L1CAM: variants seen among roughly 807,000 people sequenced by gnomAD.
L1CAM encodes the protein neural cell adhesion molecule L1.
In L1CAM, 8 loss-of-function variants were observed where a neutral mutation model predicts 93.0. That is an observed-to-expected ratio of 0.09 (90% CI 0.05 to 0.16). The LOEUF (loss-of-function observed/expected upper bound fraction) is 0.16. Among genes scored for constraint, L1CAM ranks in the 10% least tolerant of loss-of-function variants. The pLI is 1.00. For missense variants in L1CAM, 777 were observed against 1,073.4 expected, an observed-to-expected ratio of 0.72 and a Z score of 3.86; for synonymous variants, 453 against 453.0, an observed-to-expected ratio of 1.00 and a Z score of 0.00.
rs1261279862 is a variant in L1CAM, at chrX:153,869,672, G to A, written c.1124-9C>T. 1.7e-6 allele frequency: 2 copies of A among 1,205,285 alleles called. No individual in the cohort carries two copies. The highest frequency in any genetic ancestry group is 2.2e-6 in the Non-Finnish European group (2 of 892,691). ...CTGGTCTTTGGCCAGCTCTGTGCAT[G>A]CAGCAGGTGGGCCCATGGGCCACAG... is the stretch of plus-strand genomic sequence containing the variant. On this transcript the variant is annotated splice_polypyrimidine_tract_variant and intron_variant, in intron 10 of 28. Coordinates refer to ENST00000370060, the MANE Select transcript of L1CAM (RefSeq NM_001278116.2).
intron 19 of L1CAM, 43 bp from the exon 20 acceptor site, chrX:153,865,862 C>A: frequency 1.0e-6 from 1 of 965,177 alleles, no homozygotes; most frequent in Non-Finnish European, 1.5e-6. Flanking sequence ...AGGCTCTCAC[C>A]CCAGCCCTGA....
chrX:153,877,405 T>A (rs1258248605), intron 1 of L1CAM, among the ~76,000 whole-genome samples: 1 of 97,268 alleles, frequency 1.0e-5, no homozygotes, highest in Non-Finnish European at 2.0e-5. Flanking sequence ...GAGGTTGCGG[T>A]GAGCGGAGAT....
chrX:153,865,064 TC>T (rs782575213), intron 22 of L1CAM, 23 bp downstream of exon 22: 6 of 1,210,054 alleles, frequency 5.0e-6, no homozygotes, highest in Non-Finnish European at 6.7e-6. Context: ...CCACCTCCCT[TC>T]CCTGCTGGGG....
chrX:153,863,760 C>T (rs1221469310), intron 26 of L1CAM, 123 bp downstream of exon 26: 2 of 1,026,947 alleles, frequency 1.9e-6, no homozygotes, highest in Non-Finnish European at 2.7e-6. Context: ...CCTGCCCCCA[C>T]CATGCGCCTG....
Position 153,864,975 on chromosome X carries a change from C to T in L1CAM, c.2892G>A (p.Gly964=), listed in dbSNP as rs781869593. Residue 964 remains glycine, a synonymous_variant, in exon 23 of 29, where the codon GGG becomes GGA. Coordinates refer to ENST00000370060, the MANE Select transcript of L1CAM (RefSeq NM_001278116.2). The part of the protein sequence containing the change: ...SYHPLDEGGK[G]QLSFNLRDPE... ...GGTCCCGAAGGTTGAAGGACAGTTG[C>T]CCCTTGCCCCCCTCATCCACTGTGG... 8 of 1,212,265 alleles carry T rather than the reference C, an allele frequency of 6.6e-6. No homozygotes were observed. The East Asian group carries it at 1.8e-4, about 27-fold the overall frequency.
At position 153,867,123 on chromosome X, in the gene L1CAM, G is replaced by A; in HGVS notation, c.2139C>T (p.Ala713=). Residue 713 remains alanine (A), a splice_region_variant and synonymous_variant, in exon 18 of 29, where the codon GCC becomes GCT. Transcript: ENST00000370060. ...VSETVVTPEA[A]PEKNPVDVKG... Reference sequence around the variant, plus strand: ...TCACATCCACAGGGTTCTTCTCTGGGGCTGGAAAGGAAAGTATTAACACAT... The same window carrying A: ...TCACATCCACAGGGTTCTTCTCTGGAGCTGGAAAGGAAAGTATTAACACAT... 8.3e-7 allele frequency: 1 copy of A among 1,204,612 alleles called. No homozygotes were observed. The highest frequency in any genetic ancestry group is 1.1e-6 in the Non-Finnish European group (1 of 889,131).
intron 2 of L1CAM, 104 bp from the exon 3 acceptor site, chrX:153,873,346 C>T: frequency 1.1e-6 from 1 of 871,642 alleles, no homozygotes; most frequent in Non-Finnish European, 1.7e-6. Context: ...TCCTGCAGCC[C>T]CCCCGTGGAG....
At chrX:153,881,718 C>G (rs782690104) in intron 1 of L1CAM, among the ~76,000 whole-genome samples, 2 of 111,377 alleles carry the variant, frequency 1.8e-5, no homozygotes, top group African/African-American at 6.5e-5. Flanking sequence ...CAACCAGAGG[C>G]TCCAGAACCC....
Position 153,883,958 on chromosome X carries a change from A to G in L1CAM, c.-109+2107T>C, listed in dbSNP as rs1557096326. ...GCCAGTCCTGGCCAGGTGCATGCCAAGGAAGGCGCCAGCTGTAGTTCCAGT... is the reference window on the plus strand; with the variant it reads ...GCCAGTCCTGGCCAGGTGCATGCCAGGGAAGGCGCCAGCTGTAGTTCCAGT... On this transcript the variant is annotated intron_variant, in intron 1 of 28. Transcript: ENST00000370060. 4 of 340,601 alleles carry G rather than the reference A, an allele frequency of 1.2e-5. No homozygotes were observed. The Admixed American group carries it at 1.2e-4, about 11-fold the overall frequency. 28.1% of individuals were successfully genotyped at this position (340,601 alleles called of 1,213,427 possible).
intron 26 of L1CAM, 52 bp from the exon 27 acceptor site, chrX:153,863,601 G>T: frequency 9.2e-7 from 1 of 1,087,706 alleles, no homozygotes; most frequent in Non-Finnish European, 1.3e-6. Flanking sequence ...CTGACCCGGG[G>T]CTCCAGGCCC....
At chrX:153,872,412 C>T in intron 4 of L1CAM, 58 bp from the exon 5 acceptor site, 2 of 1,119,639 alleles carry the variant, frequency 1.8e-6, no homozygotes, top group South Asian at 3.7e-5. Context: ...GGGGCTGGAA[C>T]AGGCTGGAGG....
chrX:153,883,152 G>A (rs1333398809), intron 1 of L1CAM, among the ~76,000 whole-genome samples: 1 of 111,811 alleles, frequency 8.9e-6, no homozygotes, highest in Non-Finnish European at 1.9e-5. Flanking sequence ...GCTGGACAGG[G>A]CACAACCTCA....
Position 153,862,777 on chromosome X carries a change from G to A in L1CAM, c.3660C>T (p.Asn1220=), listed in dbSNP as rs782388610. ...DYGGSVDVQF[N]EDGSFIGQYS... is the part of the protein sequence containing the mutation. ...ACTGGCCAATGAACGAACCATCCTC[G>A]TTGAACTGAACATCCACGCTGCCCC... is the stretch of plus-strand genomic sequence containing the variant. Residue 1220 remains asparagine, a synonymous_variant, in exon 29 of 29, where the codon AAC becomes AAT. Coordinates refer to ENST00000370060, the MANE Select transcript of L1CAM (RefSeq NM_001278116.2). 7.4e-6 allele frequency: 9 copies of A among 1,210,817 alleles called. No individual in the cohort carries two copies. Among genetic ancestry groups the A allele is most frequent in the Admixed American group, 4.3e-5 (2 of 46,009 alleles).
chrX:153,867,266 G>A (rs2148495448), intron 17 of L1CAM, 90 bp downstream of exon 17: 3 of 1,014,071 alleles, frequency 3.0e-6, no homozygotes, highest in Non-Finnish European at 2.8e-6. Context: ...TGGAAGCAGA[G>A]GAACTTGGGC....
At chrX:153,880,436 C>T (rs1025575843) in intron 1 of L1CAM, 1 of 233,571 alleles carries the variant, frequency 4.3e-6, no homozygotes, top group Non-Finnish European at 8.1e-6. Context: ...CTGCCCTTGT[C>T]TCCTGGGGAC....
Position 153,869,797 on chromosome X carries a change from G to A in L1CAM, c.1123+6C>T. ...ACTCCCCACTCCTGCCTGAGGCCCT[G>A]CTCACCCTCCACAGGGATCCCGTTG... On this transcript the variant is annotated splice_donor_region_variant and intron_variant, in intron 10 of 28. Transcript: ENST00000370060. The A allele has an allele frequency of 3.3e-6, 4 of 1,210,726 alleles. No homozygotes were observed. The highest frequency in any genetic ancestry group is 4.5e-6 in the Non-Finnish European group (4 of 895,022).
chrX:153,871,874 C>T (rs1343261725), intron 5 of L1CAM, among the ~76,000 whole-genome samples: 1 of 105,469 alleles, frequency 9.5e-6, no homozygotes, highest in African/African-American at 3.5e-5. Flanking sequence ...CCCCCCTCCC[C>T]CCGCCACCTT....
intron 3 of L1CAM, 70 bp from the exon 4 acceptor site, chrX:153,872,767 C>G: frequency 1.1e-6 from 1 of 899,885 alleles, no homozygotes. Context: ...AGCACCTGTC[C>G]CATCGTGAGG....
chrX:153,876,930 C>T (rs1036312058), intron 1 of L1CAM, among the ~76,000 whole-genome samples: 6 of 110,684 alleles, frequency 5.4e-5, no homozygotes, highest in South Asian at 3.8e-4. Context: ...GCCTGAGAGG[C>T]GGAGGTTGCA....
Sources: gnomAD v4.1 joint callset for allele counts (sites outside exome capture counted in the v4.1 genomes callset) on GRCh38, gnomAD v4.1.1 for gene constraint, MANE v1.5 for transcripts, NCBI Gene and HGNC (gene_info 2026-07-23, HGNC 2026-07-21) for gene names.